Variants in TTN observed in about 807,000 individuals in gnomAD.
TTN encodes connectin.
Under a neutral mutation model 3,223.0 loss-of-function variants are expected in TTN, and 1,525 were observed. The observed-to-expected ratio is 0.47, with a 90% CI of 0.45 to 0.49. TTN has a LOEUF of 0.49. Among genes scored for constraint, TTN ranks in the 20% least tolerant of loss-of-function variants. TTN has a pLI of 0.00. For synonymous variants in TTN, 14,094 were observed against 15,161.0 expected, an observed-to-expected ratio of 0.93 and a Z score of 5.17; for missense variants, 40,786 against 43,424.0, an observed-to-expected ratio of 0.94 and a Z score of 5.40.
Position 178,622,672 on chromosome 2 carries a change from T to G in TTN, c.44911A>C (p.Lys14971Gln). 1 of 1,603,494 alleles carries G rather than the reference T, an allele frequency of 6.2e-7. No homozygotes were observed. The highest frequency in any genetic ancestry group is 8.5e-7 in the Non-Finnish European group (1 of 1,174,480). The change falls in exon 243 of 363, where the codon AAG becomes CAG. Residue 14971 changes from lysine (K) to glutamine (Q), a missense_variant and splice_region_variant. Coordinates refer to ENST00000589042, the MANE Select transcript of TTN (RefSeq NM_001267550.2). ...ATGACAGGTATACAGTCACAGACCT[T>G]AGCATTTTCTCGGGAAAGTTCACAC... is the stretch of plus-strand genomic sequence containing the variant. ...FECELSRENA[K>Q]VKWFKDGAEI...
At position 178,770,267 on chromosome 2, in the gene TTN, C is replaced by T; in HGVS notation, c.8434G>A (p.Val2812Ile). ...TGGGAAACACTAACTTCAAAGGCAA[C>T]AGTGGCATTTTCCAAGGCTGTCACA... The part of the protein sequence containing the change: ...KDVTALENAT[V>I]AFEVSVSHDT... The change falls in exon 36 of 363, where the codon GTT becomes ATT. Residue 2812 changes from valine (V) to isoleucine (I), a missense_variant. Val to Ile is a conservative substitution (Grantham distance 29). Coordinates refer to ENST00000589042, the MANE Select transcript of TTN (RefSeq NM_001267550.2). The T allele has an allele frequency of 1.2e-6, 2 of 1,614,144 alleles. No individual in the cohort carries two copies. Among genetic ancestry groups the T allele is most frequent in the Non-Finnish European group, 1.7e-6 (2 of 1,180,014 alleles).
intron 168 of TTN, 126 bp downstream of exon 168, chr2:178,664,334 G>C: frequency 1.2e-6 from 1 of 825,018 alleles, no homozygotes; most frequent in Non-Finnish European, 1.9e-6. Context: ...ATTTACACTT[G>C]AGTTGCAAGA....
In TTN at chr2:178,663,869, T is replaced by C; in HGVS notation, c.36398A>G (p.Glu12133Gly). 1.2e-6 allele frequency: 2 copies of C among 1,613,450 alleles called. No homozygotes were observed. The highest frequency in any genetic ancestry group is 1.3e-5 in the African/African-American group (1 of 75,038). Residue 12133 changes from glutamate to glycine, a missense_variant, in exon 170 of 363, where the codon GAG becomes GGG. By Grantham distance (98) the Glu-to-Gly change is moderately conservative (BLOSUM62 -2). Coordinates refer to ENST00000589042, the MANE Select transcript of TTN (RefSeq NM_001267550.2). ...TTTAGGAGGAGCCAAGGGCACTTTCTCTTCGCGGATAACCTCTTTGGAAGC... is the reference window on the plus strand; with the variant it reads ...TTTAGGAGGAGCCAAGGGCACTTTCCCTTCGCGGATAACCTCTTTGGAAGC... ...PEASKEVIRE[E>G]KVPLAPPKEP...
Position 178,609,274 on chromosome 2 carries a change from G to T in TTN, c.52036C>A (p.Leu17346Met). Residue 17346 changes from leucine (L) to methionine (M), a missense_variant, in exon 273 of 363, where the codon CTG (leucine) becomes ATG (methionine). By Grantham distance (15) the Leu-to-Met change is conservative. Transcript: ENST00000589042. ...VRDSLRPDHG[L>M]YMIKVENDHG... Reference sequence around the variant, plus strand: ...TCATTTTCAACTTTGATCATATACAGACCATGGTCAGGTCGGAGAGAATCT... The same window carrying T: ...TCATTTTCAACTTTGATCATATACATACCATGGTCAGGTCGGAGAGAATCT... 1 of 1,580,420 alleles carries T rather than the reference G, an allele frequency of 6.3e-7. No homozygotes were observed. The highest frequency in any genetic ancestry group is 1.2e-5 in the South Asian group (1 of 83,628).
In TTN at chr2:178,781,380, T is replaced by C. The variant is rs1466939461; in HGVS notation, c.3381-117A>G. 9 of 1,153,346 alleles carry C rather than the reference T, an allele frequency of 7.8e-6. No homozygotes were observed. The East Asian group carries it at 1.3e-4, about 16-fold the overall frequency. 71.4% of individuals were successfully genotyped at this position (1,153,346 alleles called of 1,614,324 possible). ...ATAAAATTCAATGACCCTAAACATA[T>C]GACTAAGCTCCACAATAGATTATAA... On this transcript the variant is annotated intron_variant, in intron 20 of 362. Coordinates refer to ENST00000589042, the MANE Select transcript of TTN (RefSeq NM_001267550.2).
At chr2:178,695,168 T>C (rs1194071935) in intron 115 of TTN, among the ~76,000 whole-genome samples, 180 bp downstream of exon 115, 2 of 151,974 alleles carry the variant, frequency 1.3e-5, no homozygotes, top group Non-Finnish European at 2.9e-5. Context: ...TTTTATCATC[T>C]TTTGATTTTT....
intron 21 of TTN, 124 bp downstream of exon 21, chr2:178,780,997 A>G (rs2092714323): frequency 7.5e-7 from 1 of 1,328,688 alleles, no homozygotes; most frequent in Non-Finnish European, 1.1e-6. Context: ...CAACTGAGGC[A>G]AAGACACTGG....
intron 122 of TTN, 29 bp from the exon 123 acceptor site, chr2:178,689,624 T>C: frequency 1.3e-6 from 2 of 1,570,718 alleles, no homozygotes; most frequent in Non-Finnish European, 1.7e-6. Context: ...GAATTGACTT[T>C]ATATTTTCTA....
chr2:178,802,421 C>T, intron 2 of TTN, 80 bp from the exon 3 acceptor site: 1 of 1,496,998 alleles, frequency 6.7e-7, no homozygotes, highest in Non-Finnish European at 9.1e-7. Flanking sequence ...TGTTCACTGC[C>T]TTGTCCGAAT....
rs201916135 is a variant in TTN, at chr2:178,747,014, G to C, written c.11312-5093C>G. Reference sequence around the variant, plus strand: ...TATTTTTGATGGATATGTTTTAAAAGTACCAGTGGGGTTTGGTCCTCCAGT... The same window carrying C: ...TATTTTTGATGGATATGTTTTAAAACTACCAGTGGGGTTTGGTCCTCCAGT... On this transcript the variant is annotated intron_variant, in intron 47 of 362. Transcript: ENST00000589042. 10 of 1,613,282 alleles carry C rather than the reference G, an allele frequency of 6.2e-6. No homozygotes were observed. The highest frequency in any genetic ancestry group is 1.1e-5 in the South Asian group (1 of 91,074).
In TTN at chr2:178,738,121, A is replaced by G; in HGVS notation, c.14332T>C (p.Tyr4778His). ...GEYTCKASNE[Y>H]GSVSCTATLT... ...GTGGCTGTACAGCTGACACTGCCAT[A>G]CTCATTGGAAGCTTTGCATGTATAC... Residue 4778 changes from tyrosine (Y) to histidine (H), a missense_variant, in exon 49 of 363, where the codon TAT (tyrosine) becomes CAT (histidine). Transcript: ENST00000589042. 1 of 1,613,736 alleles carries G rather than the reference A, an allele frequency of 6.2e-7. No homozygotes were observed. The highest frequency in any genetic ancestry group is 8.5e-7 in the Non-Finnish European group (1 of 1,179,740).
rs183060991 is a variant in TTN, at chr2:178,609,995, C to T, written c.51437-9G>A. 31 of 1,607,770 alleles carry T rather than the reference C, an allele frequency of 1.9e-5. No individual in the cohort carries two copies. In the African/African-American group the frequency reaches 3.9e-4, roughly 20 times the overall value. On this transcript the variant is annotated splice_polypyrimidine_tract_variant and intron_variant, in intron 271 of 362. Coordinates refer to ENST00000589042, the MANE Select transcript of TTN (RefSeq NM_001267550.2). ...AGGTGGATCAGGGGGTTCTGAAGAACAAGAAAAAAATGTTAGTATCAGGAA... is the reference window on the plus strand; with the variant it reads ...AGGTGGATCAGGGGGTTCTGAAGAATAAGAAAAAAATGTTAGTATCAGGAA...
chr2:178,780,371 A>G (rs181833000), intron 21 of TTN, among the ~76,000 whole-genome samples, 166 bp from the exon 22 acceptor site: 11 of 152,326 alleles, frequency 7.2e-5, no homozygotes, highest in Non-Finnish European at 7.4e-5. Flanking sequence ...GAATTTGGAA[A>G]CCAAACTAAC....
At chr2:178,669,732 T>A (rs750472541) in intron 157 of TTN, 57 bp from the exon 158 acceptor site, 50 of 1,566,290 alleles carry the variant, frequency 3.2e-5, no homozygotes, top group Non-Finnish European at 4.0e-5. Flanking sequence ...GGTGTAAACA[T>A]AGCAAGCCTA....
intron 3 of TTN, among the ~76,000 whole-genome samples, 188 bp downstream of exon 3, chr2:178,801,950 T>G (rs1650376729): frequency 6.6e-6 from 1 of 152,228 alleles, no homozygotes; most frequent in South Asian, 2.1e-4. Context: ...TTTTACGATG[T>G]ACTCTAGAGG....
Position 178,702,435 on chromosome 2 carries a change from A to C in TTN, c.30433+19T>G. 1 of 1,613,384 alleles carries C rather than the reference A, an allele frequency of 6.2e-7. No homozygotes were observed. Among genetic ancestry groups the C allele is most frequent in the South Asian group, 1.1e-5 (1 of 91,038 alleles). ...AGGCTTAAATTATACATTCACTGGAAAACTGTCAATGAAATCACCTTCATC... is the reference window on the plus strand; with the variant it reads ...AGGCTTAAATTATACATTCACTGGACAACTGTCAATGAAATCACCTTCATC... On this transcript the variant is annotated intron_variant, in intron 107 of 362. Transcript: ENST00000589042.
At position 178,633,981 on chromosome 2, in the gene TTN, A is replaced by G; in HGVS notation, c.42518T>C (p.Val14173Ala). ...GAGTTTGGCATCATTTTTGAACCAGACTACATGCATTTTTTCATGAGAAAG... is the reference window on the plus strand; with the variant it reads ...GAGTTTGGCATCATTTTTGAACCAGGCTACATGCATTTTTTCATGAGAAAG... ...CELSHEKMHVVWFKNDAKLHT... is the reference protein window; with the variant it reads ...CELSHEKMHVAWFKNDAKLHT... Residue 14173 changes from valine to alanine, a missense_variant, in exon 231 of 363, where the codon GTC (valine) becomes GCC (alanine). Coordinates refer to ENST00000589042, the MANE Select transcript of TTN (RefSeq NM_001267550.2). The G allele has an allele frequency of 5.0e-6, 8 of 1,613,374 alleles. No homozygotes were observed. The highest frequency in any genetic ancestry group is 5.9e-6 in the Non-Finnish European group (7 of 1,179,520).
rs1357187805 is a variant in TTN at position 178,579,837 on chromosome 2, G to C, written c.67360C>G (p.Pro22454Ala). ...GACCTCACTTTCAGGTCCACAACTG[G>C]TCCAGGAGTTTCTAAAGCAAAGGAG... ...DAVKASQTPGPVVDLKVRSVS... is the reference protein window; with the variant it reads ...DAVKASQTPGAVVDLKVRSVS... Residue 22454 changes from proline to alanine, a missense_variant, in exon 319 of 363, where the codon CCA becomes GCA. Transcript: ENST00000589042. 6.2e-7 allele frequency: 1 copy of C among 1,612,834 alleles called. No individual in the cohort carries two copies. The highest frequency in any genetic ancestry group is 8.5e-7 in the Non-Finnish European group (1 of 1,179,382).
chr2:178,570,439 C>G lies in TTN; in HGVS notation c.75693G>C (p.Gln25231His). ...AATTTATGATGTCACTCCCACCATC[C>G]TGAAGTGGGGGTTTCCAAGCTAGTG... ...KCTLAWKPPL[Q>H]DGGSDIINYI... The change falls in exon 326 of 363, where the codon CAG becomes CAC. Residue 25231 changes from glutamine to histidine, a missense_variant. By Grantham distance (24) the Gln-to-His change is conservative (BLOSUM62 0). Coordinates refer to ENST00000589042, the MANE Select transcript of TTN (RefSeq NM_001267550.2). 1 of 1,613,164 alleles carries G rather than the reference C, an allele frequency of 6.2e-7. No homozygotes were observed. Among genetic ancestry groups the G allele is most frequent in the Non-Finnish European group, 8.5e-7 (1 of 1,179,566 alleles).
Sources: gnomAD v4.1 joint callset for allele counts (sites outside exome capture counted in the v4.1 genomes callset) on GRCh38, gnomAD v4.1.1 for gene constraint, MANE v1.5 for transcripts, NCBI Gene and HGNC (gene_info 2026-07-23, HGNC 2026-07-21) for gene names.